AMPH: variants seen among roughly 807,000 people sequenced by gnomAD.
AMPH encodes amphiphysin, also known as amphiphysin (Stiff-Mann syndrome with breast cancer 128kD autoantigen).
A neutral mutation model predicts 99.1 loss-of-function variants in AMPH; 49 were observed. That is an observed-to-expected ratio of 0.49 (90% CI 0.39 to 0.63). The LOEUF (loss-of-function observed/expected upper bound fraction) is 0.63. AMPH is among the 20% of genes least tolerant of loss of function. The pLI is 0.00. For missense variants in AMPH, 759 were observed against 863.4 expected, an observed-to-expected ratio of 0.88 and a Z score of 1.52; for synonymous variants, 314 against 317.3, an observed-to-expected ratio of 0.99 and a Z score of 0.11.
intron 20 of AMPH, among the ~76,000 whole-genome samples, chr7:38,388,294 A>G (rs73348817): frequency 0.021 from 3,221 of 152,144 alleles, 100 homozygotes; most frequent in African/African-American, 0.072. Context: ...GATTTTTAAT[A>G]TCTTTGAGAT....
In AMPH at chr7:38,441,589, A is replaced by G. The variant is rs181762327; in HGVS notation, c.1018-5201T>C. 1.7e-3 allele frequency among the ~76,000 whole-genome samples: 259 copies of G among 151,954 alleles called. 1 individual carries two copies. The highest frequency in any genetic ancestry group is 6.0e-3 in the African/African-American group (250 of 41,506). On this transcript the variant is annotated intron_variant, in intron 11 of 20. Transcript: ENST00000356264. ...AATGGAACCTCTTTCTTGCACAGACACCAGAGACAATGCTAAAGTTCCCAG... is the reference window on the plus strand; with the variant it reads ...AATGGAACCTCTTTCTTGCACAGACGCCAGAGACAATGCTAAAGTTCCCAG...
At chr7:38,578,363 A>G (rs1792322558) in intron 1 of AMPH, among the ~76,000 whole-genome samples, 1 of 152,240 alleles carries the variant, frequency 6.6e-6, no homozygotes, top group African/African-American at 2.4e-5. Flanking sequence ...TGGGAAATAC[A>G]TGTGCAGAAA....
At chr7:38,629,663 G>T (rs901743062) in intron 1 of AMPH, among the ~76,000 whole-genome samples, 5 of 152,240 alleles carry the variant, frequency 3.3e-5, no homozygotes, top group African/African-American at 1.2e-4. Context: ...AGTGGATTCA[G>T]TGAAAAGCCT....
intron 1 of AMPH, among the ~76,000 whole-genome samples, chr7:38,613,294 CA>C (rs148817548): frequency 0.045 from 6,785 of 152,218 alleles, 198 homozygotes; most frequent in Admixed American, 0.082. Flanking sequence ...TGGCCAACTC[CA>C]AATAGTCCCC....
intron 1 of AMPH, among the ~76,000 whole-genome samples, chr7:38,573,215 C>T (rs1175460140): frequency 6.6e-6 from 1 of 152,134 alleles, no homozygotes; most frequent in Non-Finnish European, 1.5e-5. Context: ...TCCCATGTCA[C>T]ACTCTCCATC....
chr7:38,580,703 C>T lies in AMPH; in HGVS notation c.70-45692G>A, dbSNP rs568855996. 1.5e-4 allele frequency among the ~76,000 whole-genome samples: 22 copies of T among 147,636 alleles called. No homozygotes were observed. In the East Asian group the frequency reaches 3.3e-3, roughly 22 times the overall value. ...ATGATGATGATGATGATGATGATGA[C>T]GATGACGATAAGGGTCTGAGAAGTC... On this transcript the variant is annotated intron_variant, in intron 1 of 20. Coordinates refer to ENST00000356264, the MANE Select transcript of AMPH (RefSeq NM_001635.4).
intron 1 of AMPH, among the ~76,000 whole-genome samples, chr7:38,564,236 T>G (rs1166900747): frequency 1.3e-5 from 2 of 152,138 alleles, no homozygotes; most frequent in East Asian, 3.8e-4. Context: ...TGGGGCTCCA[T>G]CACCATCACC....
chr7:38,561,022 G>A (rs888958344), intron 1 of AMPH, among the ~76,000 whole-genome samples: 5 of 152,176 alleles, frequency 3.3e-5, no homozygotes, highest in Admixed American at 3.3e-4. Context: ...CTTTCACTAG[G>A]AAAAGTTATC....
At chr7:38,483,375 C>T (rs1460820000) in intron 5 of AMPH, among the ~76,000 whole-genome samples, 1 of 152,082 alleles carries the variant, frequency 6.6e-6, no homozygotes, top group African/African-American at 2.4e-5. Flanking sequence ...CAACTAGTTG[C>T]CACAGCCCCT....
intron 3 of AMPH, among the ~76,000 whole-genome samples, chr7:38,503,285 C>T (rs996068117): frequency 5.3e-5 from 8 of 152,248 alleles, no homozygotes; most frequent in East Asian, 1.9e-4. Flanking sequence ...GGCTTAGGTG[C>T]GTGTCTGTGA....
chr7:38,509,139 A>G (rs947201138), intron 2 of AMPH, among the ~76,000 whole-genome samples: 1 of 152,322 alleles, frequency 6.6e-6, no homozygotes, highest in African/African-American at 2.4e-5. Flanking sequence ...TTAAGAACCC[A>G]GCACTGACTT....
chr7:38,415,617 G>A (rs1785355285), intron 17 of AMPH, among the ~76,000 whole-genome samples: 2 of 152,118 alleles, frequency 1.3e-5, no homozygotes, highest in Admixed American at 1.3e-4. Flanking sequence ...TAAGGAGAAG[G>A]GAGAACGAGG....
intron 13 of AMPH, among the ~76,000 whole-genome samples, chr7:38,431,798 A>T (rs575214992): frequency 9.9e-5 from 15 of 152,116 alleles, no homozygotes; most frequent in East Asian, 5.8e-4. Flanking sequence ...ACTTTTTTTT[A>T]AAATGGTACC....
chr7:38,580,353 A>G (rs192142382), intron 1 of AMPH, among the ~76,000 whole-genome samples: 1 of 152,282 alleles, frequency 6.6e-6, no homozygotes, highest in African/African-American at 2.4e-5. Context: ...GGGGTTTACA[A>G]TGCACAATCG....
At chr7:38,537,849 C>A (rs909229095) in intron 1 of AMPH, among the ~76,000 whole-genome samples, 2 of 152,206 alleles carry the variant, frequency 1.3e-5, no homozygotes, top group Admixed American at 1.3e-4. Flanking sequence ...AAAAAAGGAG[C>A]TCTCAAAAAG....
intron 5 of AMPH, among the ~76,000 whole-genome samples, chr7:38,482,441 A>T (rs1281334284): frequency 8.5e-5 from 13 of 152,152 alleles, no homozygotes; most frequent in Admixed American, 8.5e-4. Flanking sequence ...TGAGCTCTTC[A>T]TCTTTCTGAC....
chr7:38,516,715 G>A (rs1789758645), intron 2 of AMPH, among the ~76,000 whole-genome samples: 1 of 152,202 alleles, frequency 6.6e-6, no homozygotes, highest in Non-Finnish European at 1.5e-5. Context: ...CTGACAGCTT[G>A]TACCCTGCAC....
intron 7 of AMPH, 101 bp from the exon 8 acceptor site, chr7:38,466,349 T>C (rs1787652173): frequency 1.1e-6 from 1 of 908,898 alleles, no homozygotes; most frequent in Non-Finnish European, 1.7e-6. Context: ...CAGGTTTCTT[T>C]TACACCATTT....
chr7:38,448,155 T>G (rs1270009249), intron 11 of AMPH, among the ~76,000 whole-genome samples: 1 of 152,194 alleles, frequency 6.6e-6, no homozygotes, highest in Non-Finnish European at 1.5e-5. Context: ...CTAGGAAAGT[T>G]TACCTTCGTG....
Sources: allele counts gnomAD v4.1 joint callset (sites outside exome capture counted in the v4.1 genomes callset), GRCh38; gene constraint gnomAD v4.1.1; transcripts MANE v1.5; gene names NCBI Gene and HGNC (gene_info 2026-07-23, HGNC 2026-07-21).